Variants in ST6GAL2 observed in about 807,000 individuals in gnomAD.
ST6GAL2 encodes the protein beta-galactoside alpha-2,6-sialyltransferase 2.
In ST6GAL2, 24 loss-of-function variants were observed where a neutral mutation model predicts 37.5. The observed-to-expected ratio is 0.64, with a 90% CI of 0.46 to 0.90. The LOEUF (loss-of-function observed/expected upper bound fraction) is 0.90, where lower values mean the gene tolerates loss of function less well. Among genes scored for constraint, ST6GAL2 ranks in the 40% least tolerant of loss-of-function variants. The pLI is 0.00. For synonymous variants in ST6GAL2, 306 were observed against 295.1 expected, an observed-to-expected ratio of 1.04 and a Z score of -0.38; for missense variants, 715 against 712.7, an observed-to-expected ratio of 1.00 and a Z score of -0.04.
chr2:106,862,953 T>G (rs961271312), intron 1 of ST6GAL2, among the ~76,000 whole-genome samples: 1 of 152,020 alleles, frequency 6.6e-6, no homozygotes, highest in African/African-American at 2.4e-5. Flanking sequence ...ATTACAATAA[T>G]AGAATCATGA....
rs1677010451 is a variant in ST6GAL2, at chr2:106,843,543, C to T, written c.435G>A (p.Gln145=). Residue 145 remains glutamine, a synonymous_variant, in exon 2 of 6, where the codon CAG becomes CAA. Transcript: ENST00000409382. Reference sequence around the variant, plus strand: ...CGGGGGAAGGGAATCCCAATGTCCCCTGAGTGTGGCTGTGCCACCCTGGCT... The same window carrying T: ...CGGGGGAAGGGAATCCCAATGTCCCTTGAGTGTGGCTGTGCCACCCTGGCT... ...AGQPGWHSHT[Q]GTLGFPSPGE... 6.2e-7 allele frequency: 1 copy of T among 1,614,066 alleles called. No individual in the cohort carries two copies. The highest frequency in any genetic ancestry group is 8.5e-7 in the Non-Finnish European group (1 of 1,180,012).
intron 5 of ST6GAL2, among the ~76,000 whole-genome samples, chr2:106,828,306 T>C (rs1676282560): frequency 6.6e-6 from 1 of 152,200 alleles, no homozygotes; most frequent in Non-Finnish European, 1.5e-5. Context: ...TCACATCCTA[T>C]TATGCTGTCT....
intron 5 of ST6GAL2, among the ~76,000 whole-genome samples, chr2:106,811,514 C>T (rs1214775978): frequency 6.6e-6 from 1 of 152,214 alleles, no homozygotes; most frequent in African/African-American, 2.4e-5. Context: ...CAATTTAGAG[C>T]ACCTTTCTTT....
intron 2 of ST6GAL2, among the ~76,000 whole-genome samples, chr2:106,840,116 G>C (rs1288129363): frequency 1.3e-5 from 2 of 152,142 alleles, no homozygotes; most frequent in African/African-American, 4.8e-5. Context: ...GGCTCCTCCT[G>C]GCAGAACATA....
At chr2:106,884,590 A>G (rs1403249277) in intron 1 of ST6GAL2, among the ~76,000 whole-genome samples, 1 of 152,148 alleles carries the variant, frequency 6.6e-6, no homozygotes, top group Non-Finnish European at 1.5e-5. Context: ...CTTTCACAGC[A>G]CCAAGCAAAA....
chr2:106,849,585 T>C (rs530537540), intron 1 of ST6GAL2, among the ~76,000 whole-genome samples: 1 of 152,318 alleles, frequency 6.6e-6, no homozygotes, highest in East Asian at 1.9e-4. Context: ...GTAGAGCATC[T>C]CCATTAATGC....
chr2:106,823,805 C>T (rs1185505511), intron 5 of ST6GAL2, among the ~76,000 whole-genome samples: 6 of 152,158 alleles, frequency 3.9e-5, no homozygotes, highest in Non-Finnish European at 7.4e-5. Context: ...GACCCACTTA[C>T]TGGTTCATTG....
intron 5 of ST6GAL2, among the ~76,000 whole-genome samples, chr2:106,810,150 A>G (rs534407056): frequency 1.3e-5 from 2 of 152,336 alleles, no homozygotes; most frequent in East Asian, 1.9e-4. Context: ...TTGTTTTTCC[A>G]GAGAAAAATT....
chr2:106,880,930 G>A (rs1305573761), intron 1 of ST6GAL2, among the ~76,000 whole-genome samples: 1 of 152,122 alleles, frequency 6.6e-6, no homozygotes, highest in Non-Finnish European at 1.5e-5. Flanking sequence ...GTGTGTATGT[G>A]TGCACATGTG....
At chr2:106,813,945 T>G (rs2104423394) in intron 5 of ST6GAL2, among the ~76,000 whole-genome samples, 1 of 152,322 alleles carries the variant, frequency 6.6e-6, no homozygotes, top group Non-Finnish European at 1.5e-5. Flanking sequence ...TGGTTTCTCC[T>G]TAAATTCAAT....
intron 2 of ST6GAL2, among the ~76,000 whole-genome samples, chr2:106,835,275 C>G (rs1193552939): frequency 6.6e-6 from 1 of 152,136 alleles, no homozygotes; most frequent in African/African-American, 2.4e-5. Flanking sequence ...TTCTGTCATG[C>G]CCAAGGGGAG....
intron 1 of ST6GAL2, among the ~76,000 whole-genome samples, chr2:106,847,932 T>C (rs1677206468): frequency 6.6e-6 from 1 of 152,178 alleles, no homozygotes; most frequent in African/African-American, 2.4e-5. Flanking sequence ...GCATGATTGA[T>C]TAAATCACTG....
intron 5 of ST6GAL2, among the ~76,000 whole-genome samples, chr2:106,827,130 G>C (rs976780680): frequency 6.6e-6 from 1 of 152,188 alleles, no homozygotes; most frequent in African/African-American, 2.4e-5. Flanking sequence ...GAGACAACAA[G>C]TCAATACCTT....
intron 1 of ST6GAL2, among the ~76,000 whole-genome samples, chr2:106,846,731 T>C (rs1163651587): frequency 6.6e-6 from 1 of 152,190 alleles, no homozygotes; most frequent in Non-Finnish European, 1.5e-5. Flanking sequence ...CAAACCTACA[T>C]AGACAGAATA....
At chr2:106,840,091 C>T (rs751151124) in intron 2 of ST6GAL2, among the ~76,000 whole-genome samples, 4 of 152,170 alleles carry the variant, frequency 2.6e-5, no homozygotes, top group South Asian at 4.1e-4. Flanking sequence ...CTCCCTTTGA[C>T]GTCAGCATGG....
chr2:106,845,558 T>C (rs1201527093), intron 1 of ST6GAL2, among the ~76,000 whole-genome samples: 2 of 152,204 alleles, frequency 1.3e-5, no homozygotes, highest in African/African-American at 4.8e-5. Flanking sequence ...CAAAGGCATG[T>C]AGGGCATGGC....
chr2:106,806,611 G>A lies in ST6GAL2; in HGVS notation c.*67C>T. Reference sequence around the variant, plus strand: ...TACACTGTCTAAAATCTATCTTCAAGTATTCTTTTGTGACTTTGAGTACAA... The same window carrying A: ...TACACTGTCTAAAATCTATCTTCAAATATTCTTTTGTGACTTTGAGTACAA... On this transcript the variant is annotated 3_prime_UTR_variant, in exon 6 of 6. Transcript: ENST00000409382. 1.3e-6 allele frequency: 2 copies of A among 1,522,330 alleles called. No homozygotes were observed. Among genetic ancestry groups the A allele is most frequent in the Non-Finnish European group, 1.8e-6 (2 of 1,116,898 alleles). The allele number at this position is 1,522,330 out of a possible 1,614,324, so 94.3% of individuals were successfully genotyped here. A position where few individuals can be genotyped will look rare whatever the true frequency, so the allele number is the denominator to read the frequency against.
At chr2:106,850,643 G>T (rs1677321155) in intron 1 of ST6GAL2, among the ~76,000 whole-genome samples, 1 of 152,112 alleles carries the variant, frequency 6.6e-6, no homozygotes, top group Non-Finnish European at 1.5e-5. Flanking sequence ...CTGCATCATG[G>T]GTCTCAGTCA....
intron 1 of ST6GAL2, among the ~76,000 whole-genome samples, chr2:106,875,097 C>T (rs1206619998): frequency 6.6e-6 from 1 of 152,014 alleles, no homozygotes; most frequent in Non-Finnish European, 1.5e-5. Flanking sequence ...TCCTTTTTCA[C>T]TTTTGAAATC....
Sources: allele counts gnomAD v4.1 joint callset (sites outside exome capture counted in the v4.1 genomes callset), GRCh38; gene constraint gnomAD v4.1.1; transcripts MANE v1.5; gene names NCBI Gene and HGNC (gene_info 2026-07-23, HGNC 2026-07-21).